The following SOX5 variants were observed in gnomAD, a reference collection of about 807,000 sequenced individuals.
SOX5 encodes transcription factor SOX-5.
SOX5 carries 9 observed loss-of-function variants against 92.0 expected under a neutral mutation model. The ratio of observed to expected loss-of-function variants is 0.10; its 90% CI spans 0.06 to 0.17. The LOEUF (loss-of-function observed/expected upper bound fraction) is 0.17, where lower values mean the gene tolerates loss of function less well. Among genes scored for constraint, SOX5 ranks in the 10% least tolerant of loss-of-function variants. The pLI is 1.00. For missense variants in SOX5, 642 were observed against 944.5 expected (o/e 0.68, Z 4.20); for synonymous variants, 344 against 336.3 (o/e 1.02, Z -0.25).
chr12:24,296,430 G>T (rs996398025), intron 2 of SOX5, among the ~76,000 whole-genome samples: 1 of 152,174 alleles, frequency 6.6e-6, no homozygotes, highest in Non-Finnish European at 1.5e-5. Flanking sequence ...CTCTGTCCTT[G>T]GTGAAGAAGT....
chr12:24,198,400 C>T (rs914276356), intron 4 of SOX5, among the ~76,000 whole-genome samples: 20 of 152,128 alleles, frequency 1.3e-4, no homozygotes, highest in African/African-American at 3.4e-4. Flanking sequence ...CATTTTATTT[C>T]GAGTTGTTTA....
intron 3 of SOX5, among the ~76,000 whole-genome samples, chr12:24,275,947 A>G (rs976661399): frequency 6.6e-6 from 1 of 152,076 alleles, no homozygotes; most frequent in African/African-American, 2.4e-5. Context: ...TACCTTTTGT[A>G]TTAGTTATAT....
chr12:24,095,118 C>CAG (rs1316678789), intron 4 of SOX5, among the ~76,000 whole-genome samples: 16 of 82,726 alleles, frequency 1.9e-4, no homozygotes, highest in East Asian at 7.3e-4. Flanking sequence ...CACACACACA[C>CAG]ACACACACAC....
rs527666594 is a variant in SOX5 at position 24,073,329 on chromosome 12, A to C, written c.-2+140014T>G. On this transcript the variant is annotated intron_variant, in intron 4 of 4. Transcript: ENST00000446891. ...AAAGAATAACCACCAAAACACAAAAAACAAACAAACATAAAAACCGACACA... is the reference window on the plus strand; with the variant it reads ...AAAGAATAACCACCAAAACACAAAACACAAACAAACATAAAAACCGACACA... Among the ~76,000 whole-genome samples, 4 of 152,316 alleles carry C rather than the reference A, an allele frequency of 2.6e-5. No homozygotes were observed. In the East Asian group the frequency reaches 7.7e-4, roughly 29 times the overall value.
intron 1 of SOX5, among the ~76,000 whole-genome samples, chr12:23,935,356 G>T (rs1429348509): frequency 6.6e-6 from 1 of 151,138 alleles, no homozygotes. Context: ...CCCCACATGA[G>T]ATGTGAACAC....
intron 4 of SOX5, among the ~76,000 whole-genome samples, chr12:23,748,346 C>CCT (rs1207875425): frequency 6.6e-6 from 1 of 151,904 alleles, no homozygotes; most frequent in African/African-American, 2.4e-5. Flanking sequence ...CCTTGATTAG[C>CCT]TGATAATGTA....
intron 3 of SOX5, among the ~76,000 whole-genome samples, chr12:23,808,532 C>T (rs576695960): frequency 9.9e-4 from 150 of 152,132 alleles, no homozygotes; most frequent in African/African-American, 3.5e-3. Context: ...TTATTTGTAA[C>T]TTATATCCAA....
intron 4 of SOX5, among the ~76,000 whole-genome samples, chr12:24,175,130 G>A (rs1954663625): frequency 6.6e-6 from 1 of 152,176 alleles, no homozygotes; most frequent in South Asian, 2.1e-4. Flanking sequence ...GAATCATACT[G>A]TACATGGCAA....
chr12:24,273,577 A>T (rs1292352482), intron 3 of SOX5, among the ~76,000 whole-genome samples: 1 of 152,098 alleles, frequency 6.6e-6, no homozygotes, highest in East Asian at 1.9e-4. Context: ...TTTCTCTTGC[A>T]TTTTAGCTCA....
chr12:24,120,551 T>C (rs1201842294), intron 4 of SOX5, among the ~76,000 whole-genome samples: 1 of 152,214 alleles, frequency 6.6e-6, no homozygotes, highest in African/African-American at 2.4e-5. Flanking sequence ...CAAAATGATT[T>C]TATTTGGAAA....
At chr12:24,516,057 T>C (rs1949752965) in intron 1 of SOX5, among the ~76,000 whole-genome samples, 2 of 151,220 alleles carry the variant, frequency 1.3e-5, no homozygotes, top group Admixed American at 1.3e-4. Flanking sequence ...TTTTTTTTTT[T>C]TAAGCGACAG....
At chr12:24,153,610 A>G (rs1951872778) in intron 4 of SOX5, among the ~76,000 whole-genome samples, 1 of 152,130 alleles carries the variant, frequency 6.6e-6, no homozygotes, top group African/African-American at 2.4e-5. Context: ...TCTTTCCTGC[A>G]TCCTATGACC....
At chr12:24,249,080 CAAT>C (rs1287746645) in intron 3 of SOX5, among the ~76,000 whole-genome samples, 1 of 152,196 alleles carries the variant, frequency 6.6e-6, no homozygotes, top group South Asian at 2.1e-4. Flanking sequence ...TCTGAACTGA[CAAT>C]AATATTTATC....
chr12:23,710,845 A>C (rs1252003208), intron 6 of SOX5, among the ~76,000 whole-genome samples: 1 of 152,210 alleles, frequency 6.6e-6, no homozygotes, highest in Non-Finnish European at 1.5e-5. Flanking sequence ...GAACTAGTTT[A>C]CAGTCCCACC....
intron 4 of SOX5, among the ~76,000 whole-genome samples, chr12:23,742,676 G>A (rs564232547): frequency 2.6e-5 from 4 of 152,218 alleles, no homozygotes; most frequent in South Asian, 2.1e-4. Context: ...CATAACCTAC[G>A]AAGGATAATT....
At chr12:24,251,312 A>G (rs1286114597) in intron 3 of SOX5, among the ~76,000 whole-genome samples, 1 of 152,210 alleles carries the variant, frequency 6.6e-6, no homozygotes. Context: ...AAGGTTGAAC[A>G]ACTATAGTCT....
intron 2 of SOX5, among the ~76,000 whole-genome samples, chr12:24,296,848 A>C (rs1358237312): frequency 2.0e-5 from 3 of 151,844 alleles, no homozygotes; most frequent in African/African-American, 7.3e-5. Flanking sequence ...AGTTTGAAAA[A>C]ATGCTGCTCT....
At chr12:23,669,894 C>T (rs954600293) in intron 6 of SOX5, among the ~76,000 whole-genome samples, 15 of 151,910 alleles carry the variant, frequency 9.9e-5, no homozygotes, top group Admixed American at 8.5e-4. Context: ...CACTCCAGTC[C>T]GAAGCTGAGG....
intron 1 of SOX5, among the ~76,000 whole-genome samples, chr12:23,916,738 G>T (rs2097421530): frequency 6.6e-6 from 1 of 152,104 alleles, no homozygotes; most frequent in African/African-American, 2.4e-5. Context: ...GAAACCCACA[G>T]GGAATTATCA....
Sources: allele counts gnomAD v4.1 joint callset (sites outside exome capture counted in the v4.1 genomes callset), GRCh38; gene constraint gnomAD v4.1.1; transcripts MANE v1.5; gene names NCBI Gene and HGNC (gene_info 2026-07-23, HGNC 2026-07-21).